NRXN2: variants seen among roughly 807,000 people sequenced by gnomAD.
NRXN2 encodes neurexin 2.
NRXN2 carries 29 observed loss-of-function variants against 128.8 expected under a neutral mutation model. That is an observed-to-expected ratio of 0.23 (90% confidence interval 0.17 to 0.31). The LOEUF (loss-of-function observed/expected upper bound fraction) is 0.31. NRXN2 is among the 10% of genes least tolerant of loss of function. The probability of loss-of-function intolerance (pLI) is 1.00; values close to 1 mark genes in which losing one functional copy is unlikely to be tolerated. For synonymous variants in NRXN2, 1,098 were observed against 1,075.2 expected (o/e 1.02, Z -0.41); for missense variants, 1,881 against 2,452.6 (o/e 0.77, Z 4.92).
In NRXN2 at chr11:64,632,558, C is replaced by T. The variant is rs1378076997; in HGVS notation, c.3586-1985G>A. ...TCCTCTGAGGATTTCTCCCCACAGGCTCAGCCCAGGCAGTGATGGTGGTCA... is the reference window on the plus strand; with the variant it reads ...TCCTCTGAGGATTTCTCCCCACAGGTTCAGCCCAGGCAGTGATGGTGGTCA... On this transcript the variant is annotated intron_variant, in intron 18 of 22. Coordinates refer to ENST00000265459, the MANE Select transcript of NRXN2 (RefSeq NM_015080.4). This position sits in a 1 kb window ranked among gnomAD's most constrained non-coding sequence, Gnocchi z 4.2. Among the ~76,000 whole-genome samples the T allele has an allele frequency of 6.6e-6, 1 of 152,180 alleles. No individual in the cohort carries two copies. Among genetic ancestry groups the T allele is most frequent in the Non-Finnish European group, 1.5e-5 (1 of 68,022 alleles).
chr11:64,702,857 G>C (rs545296503), intron 2 of NRXN2, among the ~76,000 whole-genome samples: 70 of 149,660 alleles, frequency 4.7e-4, no homozygotes, highest in Admixed American at 1.1e-3. Context: ...AGACATGGTG[G>C]TGTGCGCCTG....
intron 5 of NRXN2, among the ~76,000 whole-genome samples, chr11:64,687,613 A>AG (rs1222554657): frequency 2.6e-5 from 4 of 152,214 alleles, no homozygotes; most frequent in Non-Finnish European, 5.9e-5. Flanking sequence ...TGAGGACCCC[A>AG]GCAGAGACAA....
rs929253676 is a variant in NRXN2 at position 64,714,806 on chromosome 11, C to T, written c.-244-863G>A. Among the ~76,000 whole-genome samples, 1 of 152,106 alleles carries T rather than the reference C, an allele frequency of 6.6e-6. No individual in the cohort carries two copies. Among genetic ancestry groups the T allele is most frequent in the Non-Finnish European group, 1.5e-5 (1 of 68,022 alleles). On this transcript the variant is annotated intron_variant, in intron 1 of 22. Transcript: ENST00000265459. The surrounding 1 kb of genome is among the most constrained non-coding windows in gnomAD (Gnocchi z 4.5). ...GGCAGGCTCATTTGCATAAAATTGC[C>T]TTTCTGAAATGATTACCCTTGTAAC...
At chr11:64,638,715 A>G (rs2045206199) in intron 17 of NRXN2, among the ~76,000 whole-genome samples, 1 of 152,232 alleles carries the variant, frequency 6.6e-6, no homozygotes, top group African/African-American at 2.4e-5. Context: ...CTAGGAAACC[A>G]CCAGTGAGCT....
chr11:64,633,601 G>A (rs150692976), intron 18 of NRXN2, among the ~76,000 whole-genome samples: 28 of 152,184 alleles, frequency 1.8e-4, no homozygotes, highest in African/African-American at 3.6e-4. Context: ...GTCACACCCC[G>A]CCACCCAGAA....
In NRXN2 at chr11:64,667,780, C is replaced by A. The variant is rs779916805; in HGVS notation, c.1360-92G>T. The A allele has an allele frequency of 4.2e-5, 50 of 1,196,388 alleles. No individual in the cohort carries two copies. Among genetic ancestry groups the A allele is most frequent in the Non-Finnish European group, 6.1e-5 (50 of 822,070 alleles). The allele number at this position is 1,196,388 out of a possible 1,614,324, so 74.1% of individuals were successfully genotyped here. ...CAGCAGCGAGCACCAGGGGACCCAG[C>A]CACCCACCCCTGTAGCCCCTGCTCA... On this transcript the variant is annotated intron_variant, in intron 8 of 22. Transcript: ENST00000265459. The surrounding 1 kb of genome is among the most constrained non-coding windows in gnomAD (Gnocchi z 5.6).
rs572170704 is a variant in NRXN2 at position 64,644,324 on chromosome 11, C to T, written c.3403+3895G>A. 2.0e-5 allele frequency among the ~76,000 whole-genome samples: 3 copies of T among 152,098 alleles called. No individual in the cohort carries two copies. The East Asian group carries it at 5.8e-4, about 29-fold the overall frequency. Reference sequence around the variant, plus strand: ...CCCACCACCTCCCCAAAAAGCTGCTCCCCCAGCCCCCTGCACAAGCCTCTC... The same window carrying T: ...CCCACCACCTCCCCAAAAAGCTGCTTCCCCAGCCCCCTGCACAAGCCTCTC... On this transcript the variant is annotated intron_variant, in intron 17 of 22. Coordinates refer to ENST00000265459, the MANE Select transcript of NRXN2 (RefSeq NM_015080.4).
chr11:64,695,097 G>T (rs992694898), intron 3 of NRXN2, among the ~76,000 whole-genome samples: 10 of 152,196 alleles, frequency 6.6e-5, no homozygotes, highest in African/African-American at 2.2e-4. Flanking sequence ...TCTACCCCTG[G>T]CTCAGTCCCA....
At chr11:64,662,309 G>A (rs1194451779) in intron 9 of NRXN2, among the ~76,000 whole-genome samples, 1 of 151,772 alleles carries the variant, frequency 6.6e-6, no homozygotes, top group African/African-American at 2.4e-5. Flanking sequence ...AAAGGAAGAG[G>A]AGGAGGAGGA....
At chr11:64,638,478 G>C (rs1475867084) in intron 17 of NRXN2, among the ~76,000 whole-genome samples, 1 of 152,144 alleles carries the variant, frequency 6.6e-6, no homozygotes, top group Non-Finnish European at 1.5e-5. Context: ...CCCCAGCCGC[G>C]CTCCGGAGGC....
chr11:64,655,276 AG>A (rs2048094057), intron 11 of NRXN2, among the ~76,000 whole-genome samples: 2 of 152,240 alleles, frequency 1.3e-5, no homozygotes, highest in African/African-American at 4.8e-5. Context: ...CCTGGCACCA[AG>A]GGAGGAGCAG....
At chr11:64,646,358 C>T (rs1240360853) in intron 17 of NRXN2, 1 of 152,524 alleles carries the variant, frequency 6.6e-6, no homozygotes, top group East Asian at 1.9e-4. Context: ...CCATCCATCT[C>T]ATGCCCCCTT....
intron 7 of NRXN2, among the ~76,000 whole-genome samples, chr11:64,669,064 T>C (rs2050277155): frequency 6.6e-6 from 1 of 152,154 alleles, no homozygotes; most frequent in African/African-American, 2.4e-5. Flanking sequence ...CAGAGAATGG[T>C]GTTCCCCAGA....
At chr11:64,654,849 C>T (rs1462937293) in intron 11 of NRXN2, among the ~76,000 whole-genome samples, 1 of 152,236 alleles carries the variant, frequency 6.6e-6, no homozygotes, top group Non-Finnish European at 1.5e-5. Flanking sequence ...CACCCTAACA[C>T]TCACTAACTC....
At chr11:64,685,550 T>C (rs990746707) in intron 6 of NRXN2, 96 bp downstream of exon 6, 2 of 1,514,138 alleles carry the variant, frequency 1.3e-6, no homozygotes, top group East Asian at 4.5e-5. Context: ...TGCCCAGCCC[T>C]GATCCCTCCA....
At chr11:64,678,809 G>A (rs1175000861) in intron 6 of NRXN2, among the ~76,000 whole-genome samples, 1 of 152,094 alleles carries the variant, frequency 6.6e-6, no homozygotes, top group South Asian at 2.1e-4. Flanking sequence ...ATTGTGAGAA[G>A]GAGAGGTATT....
At chr11:64,666,707 G>A (rs865823893) in intron 9 of NRXN2, among the ~76,000 whole-genome samples, 18 of 152,102 alleles carry the variant, frequency 1.2e-4, no homozygotes, top group Admixed American at 2.0e-4. Flanking sequence ...GGGACTACAG[G>A]TGCCCGCCAC....
chr11:64,706,118 ATAAT>A (rs1348080749), intron 2 of NRXN2, among the ~76,000 whole-genome samples: 1 of 54,808 alleles, frequency 1.8e-5, no homozygotes, highest in African/African-American at 7.3e-5. Flanking sequence ...GTATATATAT[ATAAT>A]ATATATAATA....
At chr11:64,610,123 G>T (rs1005203320) in intron 22 of NRXN2, among the ~76,000 whole-genome samples, 2 of 152,020 alleles carry the variant, frequency 1.3e-5, no homozygotes, top group Non-Finnish European at 2.9e-5. Context: ...CTGTGGCCAA[G>T]ACCTTTCCAT....
Sources: gnomAD v4.1 joint callset for allele counts (sites outside exome capture counted in the v4.1 genomes callset) on GRCh38, gnomAD v4.1.1 for gene constraint, Gnocchi (gnomAD v3.1) non-coding constraint, MANE v1.5 for transcripts, NCBI Gene and HGNC (gene_info 2026-07-23, HGNC 2026-07-21) for gene names.